BICDL1: variants seen among roughly 807,000 people sequenced by gnomAD.
BICDL1 encodes the protein BICD family like cargo adaptor 1.
Under a neutral mutation model 76.8 loss-of-function variants are expected in BICDL1, and 20 were observed. The observed-to-expected ratio is 0.26, with a 90% CI of 0.18 to 0.38. The LOEUF is 0.38. Among genes scored for constraint, BICDL1 ranks in the 10% least tolerant of loss-of-function variants. The pLI, the probability that BICDL1 is intolerant of heterozygous loss-of-function variation, is 1.00. For missense variants in BICDL1, 700 were observed against 798.6 expected, an observed-to-expected ratio of 0.88 and a Z score of 1.49; for synonymous variants, 383 against 337.1, an observed-to-expected ratio of 1.14 and a Z score of -1.49.
At chr12:120,081,635 C>T (rs540765681) in intron 8 of BICDL1, among the ~76,000 whole-genome samples, 3 of 152,034 alleles carry the variant, frequency 2.0e-5, no homozygotes, top group Admixed American at 2.0e-4. Flanking sequence ...AGGCGTGAGC[C>T]ACCACACCCG....
chr12:120,058,939 AAAG>A (rs1257281915), intron 2 of BICDL1, among the ~76,000 whole-genome samples: 2 of 152,222 alleles, frequency 1.3e-5, no homozygotes, highest in Non-Finnish European at 2.9e-5. Context: ...CATTGAAAAA[AAAG>A]AAGAAAAGCC....
chr12:119,994,326 C>A (rs1951590887), intron 1 of BICDL1, among the ~76,000 whole-genome samples: 1 of 151,568 alleles, frequency 6.6e-6, no homozygotes, highest in Non-Finnish European at 1.5e-5. Flanking sequence ...GTTCTTGGAC[C>A]TTTTAAAGAA....
intron 8 of BICDL1, 75 bp from the exon 9 acceptor site, chr12:120,089,876 C>G: frequency 6.4e-7 from 1 of 1,563,390 alleles, no homozygotes; most frequent in Non-Finnish European, 8.7e-7. Flanking sequence ...TCCTGGGACT[C>G]CAGGTGCCCC....
In BICDL1 at chr12:120,074,566, C is replaced by A; in HGVS notation, c.1432C>A (p.Leu478Met). The A allele has an allele frequency of 8.0e-7, 1 of 1,246,214 alleles. No homozygotes were observed. Among genetic ancestry groups the A allele is most frequent in the Non-Finnish European group, 1.0e-6 (1 of 967,008 alleles). 77.2% of individuals were successfully genotyped at this position (1,246,214 alleles called of 1,614,324 possible). A position where few individuals can be genotyped will look rare whatever the true frequency, so the allele number is the denominator to read the frequency against. The part of the protein sequence containing the change: ...RGKLRQSLEE[L>M]QRLHSQVTLL... ...TAAACTGAGGCAAAGCCTAGAAGAG[C>A]TGCAGCGACTCCACAGTCAGGTGAG... The change falls in exon 7 of 10, where the codon CTG becomes ATG. Residue 478 changes from leucine (L) to methionine (M), a missense_variant. Around this residue, in one of 3 missense-constraint regions of BICDL1, gnomAD observed 455 missense variants for 548.7 expected, o/e 0.83. Transcript: ENST00000548673.
intron 4 of BICDL1, among the ~76,000 whole-genome samples, chr12:120,066,713 A>C (rs948658328): frequency 6.6e-5 from 10 of 152,308 alleles, no homozygotes; most frequent in Middle Eastern, 3.4e-3. Flanking sequence ...ACAATTTATC[A>C]TTATAGTCCT....
chr12:120,092,991 C>T lies in BICDL1; in HGVS notation c.1705-9C>T. The T allele has an allele frequency of 1.9e-6, 3 of 1,548,630 alleles. No individual in the cohort carries two copies. The highest frequency in any genetic ancestry group is 2.6e-6 in the Non-Finnish European group (3 of 1,145,548). On this transcript the variant is annotated splice_polypyrimidine_tract_variant and intron_variant, in intron 9 of 9. Transcript: ENST00000548673. Reference sequence around the variant, plus strand: ...CTCAGTCCTGGCCACTGTCCCCTCCCCTCTGCAGGATGACATGCACAGGGT... The same window carrying T: ...CTCAGTCCTGGCCACTGTCCCCTCCTCTCTGCAGGATGACATGCACAGGGT...
chr12:120,015,643 G>A (rs1013348295), intron 2 of BICDL1, among the ~76,000 whole-genome samples: 7 of 152,172 alleles, frequency 4.6e-5, no homozygotes, highest in South Asian at 2.1e-4. Flanking sequence ...TGGAAACTTC[G>A]TATGTGTTAG....
At chr12:120,027,257 C>T in intron 2 of BICDL1, among the ~76,000 whole-genome samples, 1 of 151,794 alleles carries the variant, frequency 6.6e-6, no homozygotes. Context: ...GTCTCGAACT[C>T]ATGATCCGCC....
chr12:120,088,048 C>T (rs1201275201), intron 8 of BICDL1, among the ~76,000 whole-genome samples: 1 of 152,222 alleles, frequency 6.6e-6, no homozygotes, highest in East Asian at 1.9e-4. Flanking sequence ...CCTACCTCAG[C>T]CTCCTGAGTA....
chr12:120,078,341 T>A (rs1025097604), intron 7 of BICDL1, among the ~76,000 whole-genome samples: 1 of 152,238 alleles, frequency 6.6e-6, no homozygotes, highest in African/African-American at 2.4e-5. Flanking sequence ...AGCACTCAAA[T>A]GTTGTTGAAC....
chr12:120,023,624 A>G (rs765725920), intron 2 of BICDL1, among the ~76,000 whole-genome samples: 63 of 152,038 alleles, frequency 4.1e-4, no homozygotes, highest in Non-Finnish European at 8.1e-4. Context: ...CCCCATCTCT[A>G]CTAAAAATAC....
At chr12:119,997,097 C>T (rs1047155531) in intron 1 of BICDL1, among the ~76,000 whole-genome samples, 3 of 152,006 alleles carry the variant, frequency 2.0e-5, no homozygotes, top group African/African-American at 7.3e-5. Flanking sequence ...TGCAGGCCCT[C>T]GCCACCTCGC....
chr12:120,006,950 C>T (rs768806863), intron 2 of BICDL1, among the ~76,000 whole-genome samples: 7 of 151,956 alleles, frequency 4.6e-5, no homozygotes, highest in Non-Finnish European at 7.4e-5. Context: ...GATGAAGAAG[C>T]GACTCCCCAG....
At chr12:120,029,259 C>G (rs937889330) in intron 2 of BICDL1, among the ~76,000 whole-genome samples, 3 of 152,190 alleles carry the variant, frequency 2.0e-5, no homozygotes, top group African/African-American at 7.2e-5. Flanking sequence ...GTATTCTTCT[C>G]TGTGCCCTGA....
At position 120,042,440 on chromosome 12, in the gene BICDL1, G is replaced by A. The variant is rs140975677; in HGVS notation, c.646-19270G>A. Among the ~76,000 whole-genome samples the A allele has an allele frequency of 1.9e-3, 284 of 152,270 alleles. 2 individuals carry two copies. Among genetic ancestry groups the A allele is most frequent in the African/African-American group, 6.5e-3 (269 of 41,542 alleles). On this transcript the variant is annotated intron_variant, in intron 2 of 9. Coordinates refer to ENST00000548673, the MANE Select transcript of BICDL1 (RefSeq NM_001367886.1). ...TGGAGGCCCTCAAATCAGGAGTTCA[G>A]GTTTGGACATGTTGAGTGTGACGCA... is the stretch of plus-strand genomic sequence containing the variant.
rs1488877023 is a variant in BICDL1, at chr12:120,090,008, C to G, written c.1641C>G (p.Asn547Lys). ...AKCRMDMMSLNSQLLDAIQQK... is the reference protein window; with the variant it reads ...AKCRMDMMSLKSQLLDAIQQK... ...GCAGGATGGATATGATGTCTCTGAA[C>G]AGCCAGTTGCTGGATGCCATTCAGC... Residue 547 changes from asparagine to lysine, a missense_variant, in exon 9 of 10, where the codon AAC becomes AAG. Physicochemically the swap from Asn to Lys is moderately conservative, Grantham distance 94 (BLOSUM62 0). Transcript: ENST00000548673. 2 of 1,614,176 alleles carry G rather than the reference C, an allele frequency of 1.2e-6. No individual in the cohort carries two copies. Among genetic ancestry groups the G allele is most frequent in the Non-Finnish European group, 1.7e-6 (2 of 1,180,016 alleles).
At chr12:120,044,551 G>T (rs1237446486) in intron 2 of BICDL1, among the ~76,000 whole-genome samples, 1 of 152,146 alleles carries the variant, frequency 6.6e-6, no homozygotes, top group African/African-American at 2.4e-5. Context: ...TTACGAAAAG[G>T]TTCTCAATTT....
At chr12:120,047,992 A>T (rs192193579) in intron 2 of BICDL1, among the ~76,000 whole-genome samples, 24 of 152,086 alleles carry the variant, frequency 1.6e-4, no homozygotes, top group Admixed American at 2.6e-4. Context: ...AAAATAAAAT[A>T]AAAAAAACAA....
rs928401887 is a variant in BICDL1 at position 119,989,269 on chromosome 12, T to C, written c.-600T>C. 1.3e-5 allele frequency among the ~76,000 whole-genome samples: 2 copies of C among 149,394 alleles called. No homozygotes were observed. Among genetic ancestry groups the C allele is most frequent in the East Asian group, 2.0e-4 (1 of 5,020 alleles). On this transcript the variant is annotated 5_prime_UTR_variant, in exon 1 of 10. It removes an upstream start codon present in the reference 5' UTR. Coordinates refer to ENST00000548673, the MANE Select transcript of BICDL1 (RefSeq NM_001367886.1). ...GCTCGCCGGGTTGCGCGGCGCGCGA[T>C]GTGGAGCCGCCGCCTCGGCCCCTGC... is the stretch of plus-strand genomic sequence containing the variant.
Sources: allele counts gnomAD v4.1 joint callset (sites outside exome capture counted in the v4.1 genomes callset), GRCh38; gene constraint gnomAD v4.1.1; regional missense constraint gnomAD v4.1.1; transcripts MANE v1.5; gene names NCBI Gene and HGNC (gene_info 2026-07-23, HGNC 2026-07-21).